Variants in CNGA3 observed in about 807,000 individuals in gnomAD.
CNGA3 encodes the protein cyclic nucleotide gated channel subunit alpha 3, also known as cyclic nucleotide-gated channel alpha-3.
A neutral mutation model predicts 46.6 loss-of-function variants in CNGA3; 42 were observed. That is an observed-to-expected ratio of 0.90 (90% CI 0.70 to 1.17). The LOEUF is 1.17. CNGA3 is among the 50% of genes most tolerant of loss of function. The pLI is 0.00. For missense variants in CNGA3, 893 were observed against 890.7 expected, an observed-to-expected ratio of 1.00 and a Z score of -0.03; for synonymous variants, 394 against 369.4, an observed-to-expected ratio of 1.07 and a Z score of -0.76.
intron 1 of CNGA3, among the ~76,000 whole-genome samples, chr2:98,365,959 A>C (rs1012081425): frequency 6.6e-6 from 1 of 152,174 alleles, no homozygotes; most frequent in African/African-American, 2.4e-5. Flanking sequence ...TGTTGTGATC[A>C]TTTGGAGGAG....
Position 98,370,095 on chromosome 2 carries a change from G to A in CNGA3, c.101+19G>A. On this transcript the variant is annotated intron_variant, in intron 2 of 7. Coordinates refer to ENST00000272602, the MANE Select transcript of CNGA3 (RefSeq NM_001298.3). ...TCAGCAGGTAAGATGGGCTAAGATG[G>A]GCTTTTCATTTTATGCCTGGCTCTG... The A allele has an allele frequency of 6.3e-7, 1 of 1,575,548 alleles. No homozygotes were observed. Among genetic ancestry groups the A allele is most frequent in the Non-Finnish European group, 8.7e-7 (1 of 1,146,320 alleles).
intron 2 of CNGA3, chr2:98,377,398 C>T: frequency 2.6e-6 from 1 of 383,846 alleles, no homozygotes; most frequent in Non-Finnish European, 4.9e-6. Context: ...GACCTCTCCC[C>T]ACCCAGTGCT....
intron 5 of CNGA3, among the ~76,000 whole-genome samples, chr2:98,389,281 T>C (rs1018612460): frequency 2.0e-5 from 3 of 152,212 alleles, no homozygotes; most frequent in African/African-American, 4.8e-5. Context: ...GAGTGGGCCC[T>C]GGGAATCAGA....
At chr2:98,378,021 T>C (rs1291558481) in intron 3 of CNGA3, 2 of 1,543,442 alleles carry the variant, frequency 1.3e-6, no homozygotes, top group South Asian at 2.4e-5. Context: ...TTATCTGAAA[T>C]TGCTTAATAA....
Position 98,380,215 on chromosome 2 carries a change from A to G in CNGA3, c.256A>G (p.Arg86Gly). Residue 86 changes from arginine (R) to glycine (G), a missense_variant, in exon 4 of 8, where the codon AGG becomes GGG. Arg to Gly is a moderately radical substitution (Grantham distance 125). Coordinates refer to ENST00000272602, the MANE Select transcript of CNGA3 (RefSeq NM_001298.3). ...CTTCTTGCTGCGCAGGTGGGCTGCC[A>G]GGCATGTGCACCACCAGGACCAGGG... is the stretch of plus-strand genomic sequence containing the variant. ...LIFLLRRWAA[R>G]HVHHQDQGPD... 1.2e-6 allele frequency: 2 copies of G among 1,614,218 alleles called. No individual in the cohort carries two copies. The highest frequency in any genetic ancestry group is 2.7e-5 in the African/African-American group (2 of 75,062).
In CNGA3 at chr2:98,398,147, G is replaced by A. The variant is rs1295454877; in HGVS notation, c.*892G>A. The stretch of plus-strand genomic sequence containing the variant: ...GACAACTGAGAGTTTTAGAAGATTA[G>A]ACCATTAGGAACGTATCTTTGCAAA... On this transcript the variant is annotated 3_prime_UTR_variant, in exon 8 of 8. Coordinates refer to ENST00000272602, the MANE Select transcript of CNGA3 (RefSeq NM_001298.3). 1.3e-5 allele frequency: 2 copies of A among 152,134 alleles called. No individual in the cohort carries two copies. Among genetic ancestry groups the A allele is most frequent in the African/African-American group, 2.4e-5 (1 of 41,424 alleles). The allele number at this position is 152,134 out of a possible 1,614,324, so 9.4% of individuals were successfully genotyped here.
At chr2:98,390,472 A>T (rs913580022) in intron 6 of CNGA3, among the ~76,000 whole-genome samples, 1 of 152,030 alleles carries the variant, frequency 6.6e-6, no homozygotes, top group East Asian at 1.9e-4. Context: ...TAATAAGCAG[A>T]AGAGGGATTG....
At chr2:98,379,094 C>A (rs1692479705) in intron 3 of CNGA3, among the ~76,000 whole-genome samples, 1 of 152,236 alleles carries the variant, frequency 6.6e-6, no homozygotes, top group Non-Finnish European at 1.5e-5. Flanking sequence ...CTTGGTTCCA[C>A]CCTCTTGGCA....
intron 1 of CNGA3, among the ~76,000 whole-genome samples, chr2:98,367,531 C>T (rs1168353953): frequency 6.6e-6 from 1 of 152,052 alleles, no homozygotes; most frequent in East Asian, 1.9e-4. Flanking sequence ...TTGGTCCCTC[C>T]CCGGATTTAT....
intron 2 of CNGA3, among the ~76,000 whole-genome samples, chr2:98,373,769 T>C (rs1264812532): frequency 6.6e-6 from 1 of 152,202 alleles, no homozygotes; most frequent in Non-Finnish European, 1.5e-5. Context: ...CTGCAGAGAA[T>C]TGCAGCTAGG....
chr2:98,364,950 CTGG>C lies in CNGA3; in HGVS notation c.-37-4988_-37-4986del, dbSNP rs554978857. On this transcript the variant is annotated intron_variant, in intron 1 of 7. Transcript: ENST00000272602. Reference sequence around the variant, plus strand: ...ATTGAATATTGGCCTCCAATCTCTTCTGGCTTGTAGGGTTTCTGGGGAGAGGTC... The same window carrying C: ...ATTGAATATTGGCCTCCAATCTCTTCCTTGTAGGGTTTCTGGGGAGAGGTC... 6.6e-3 allele frequency among the ~76,000 whole-genome samples: 1,005 copies of C among 152,198 alleles called. 9 individuals are homozygous for C. Among genetic ancestry groups the C allele is most frequent in the African/African-American group, 0.023 (937 of 41,502 alleles).
chr2:98,384,198 G>A (rs1439318795), intron 5 of CNGA3, among the ~76,000 whole-genome samples: 2 of 152,146 alleles, frequency 1.3e-5, no homozygotes, highest in East Asian at 1.9e-4. Flanking sequence ...TGAAGTTCCC[G>A]TGTTTTAAGG....
At chr2:98,347,264 G>C (rs1275467632) in intron 1 of CNGA3, 1 of 152,222 alleles carries the variant, frequency 6.6e-6, no homozygotes, top group African/African-American at 2.4e-5. Context: ...CCGGGATCTC[G>C]GACGCCCGGG....
chr2:98,369,983 AG>A lies in CNGA3; in HGVS notation c.9del (p.Ile4SerfsTer15), dbSNP rs1558808357. ...ATGTGACAAACCGAGAAGATGGCCAAGATCAACACCCAATACTCCCACCCCT... is the reference window on the plus strand; with the variant it reads ...ATGTGACAAACCGAGAAGATGGCCAAATCAACACCCAATACTCCCACCCCT... MA[K>X]INTQYSHPSR... On this transcript the variant is annotated frameshift_variant, in exon 2 of 8. Transcript: ENST00000272602. LOFTEE classifies it high-confidence loss of function. 3.1e-6 allele frequency: 5 copies of A among 1,613,854 alleles called. No individual in the cohort carries two copies. Among genetic ancestry groups the A allele is most frequent in the Non-Finnish European group, 4.2e-6 (5 of 1,179,860 alleles).
At position 98,397,264 on chromosome 2, in the gene CNGA3, C is replaced by G. The variant is rs770991493; in HGVS notation, c.*9C>G. 6.2e-7 allele frequency: 1 copy of G among 1,612,984 alleles called. No homozygotes were observed. ...AGGACAAACAACAGTGAAAATGCAG[C>G]ATCTGTCTCCTGCTTCACAGGGTCG... On this transcript the variant is annotated 3_prime_UTR_variant, in exon 8 of 8. Coordinates refer to ENST00000272602, the MANE Select transcript of CNGA3 (RefSeq NM_001298.3).
intron 1 of CNGA3, among the ~76,000 whole-genome samples, chr2:98,359,547 C>T (rs1691975314): frequency 6.6e-6 from 1 of 152,222 alleles, no homozygotes; most frequent in Non-Finnish European, 1.5e-5. Flanking sequence ...GCATTACCAC[C>T]TGGAGGCCAG....
chr2:98,387,126 AC>A (rs1022891463), intron 5 of CNGA3, among the ~76,000 whole-genome samples: 1 of 152,176 alleles, frequency 6.6e-6, no homozygotes, highest in Admixed American at 6.5e-5. Context: ...AATATTAGGA[AC>A]CGTTTTCCCA....
chr2:98,347,458 G>A (rs985013055), intron 1 of CNGA3, among the ~76,000 whole-genome samples: 3 of 152,194 alleles, frequency 2.0e-5, no homozygotes, highest in African/African-American at 7.2e-5. Context: ...ACCCCGGGCC[G>A]GGTGATTCAT....
In CNGA3 at chr2:98,369,940, A is replaced by G. The variant is rs778826102; in HGVS notation, c.-36A>G. 3.9e-6 allele frequency: 6 copies of G among 1,544,440 alleles called. No homozygotes were observed. In the African/African-American group the frequency reaches 8.2e-5, roughly 21 times the overall value. ...GTCTGCTTTGTGTTCACATTTTAGC[A>G]ATCATCTGGGGGGCTAAATGTGACA... On this transcript the variant is annotated splice_region_variant and 5_prime_UTR_variant, in exon 2 of 8. Coordinates refer to ENST00000272602, the MANE Select transcript of CNGA3 (RefSeq NM_001298.3).
Sources: gnomAD v4.1 joint callset for allele counts (sites outside exome capture counted in the v4.1 genomes callset) on GRCh38, gnomAD v4.1.1 for gene constraint, MANE v1.5 for transcripts, NCBI Gene and HGNC (gene_info 2026-07-23, HGNC 2026-07-21) for gene names.